The following HSD17B12 variants were observed in gnomAD, a reference collection of about 807,000 sequenced individuals.
HSD17B12 encodes the protein hydroxysteroid 17-beta dehydrogenase 12, also known as very-long-chain 3-oxoacyl-CoA reductase.
HSD17B12 carries 32 observed loss-of-function variants against 39.3 expected under a neutral mutation model. That is an observed-to-expected ratio of 0.81 (90% CI 0.61 to 1.09). HSD17B12 has a LOEUF of 1.09. HSD17B12 is among the 50% of genes least tolerant of loss of function. HSD17B12 has a pLI of 0.00. For missense variants in HSD17B12, 342 were observed against 382.9 expected (o/e 0.89, Z 0.89); for synonymous variants, 150 against 146.7 (o/e 1.02, Z -0.16).
chr11:43,592,616 A>G, the HSD17B12 span, among the ~76,000 whole-genome samples: 1 of 152,326 alleles, frequency 6.6e-6, no homozygotes, highest in East Asian at 1.9e-4. Context: ...AATGAAATTC[A>G]CTGTACTATT....
chr11:43,727,702 A>G (rs1950233537), intron 1 of HSD17B12, among the ~76,000 whole-genome samples: 1 of 152,140 alleles, frequency 6.6e-6, no homozygotes, highest in Non-Finnish European at 1.5e-5. Context: ...TCCTTCTCCA[A>G]GTATTTGGTG....
the HSD17B12 span, among the ~76,000 whole-genome samples, chr11:43,601,732 C>T: frequency 6.6e-6 from 1 of 152,206 alleles, no homozygotes; most frequent in Non-Finnish European, 1.5e-5. Context: ...CCAGAGTCAG[C>T]TTCTTTGAAT....
chr11:43,814,183 G>C (rs1226397652), intron 4 of HSD17B12, among the ~76,000 whole-genome samples: 1 of 150,758 alleles, frequency 6.6e-6, no homozygotes, highest in Non-Finnish European at 1.5e-5. Flanking sequence ...TTTCTGAGTT[G>C]AATACTGGAT....
At chr11:43,594,150 A>T in the HSD17B12 span, among the ~76,000 whole-genome samples, 7 of 152,224 alleles carry the variant, frequency 4.6e-5, no homozygotes, top group African/African-American at 1.7e-4. Context: ...TCATAACGAT[A>T]GTTAACTTTT....
At chr11:43,801,593 G>GAGATATATAT (rs1796463642) in intron 4 of HSD17B12, among the ~76,000 whole-genome samples, 1 of 136,994 alleles carries the variant, frequency 7.3e-6, no homozygotes, top group South Asian at 2.3e-4. Flanking sequence ...TTGATAGTTG[G>GAGATATATAT]AGATATATAT....
At chr11:43,619,542 A>C in the HSD17B12 span, among the ~76,000 whole-genome samples, 1 of 151,480 alleles carries the variant, frequency 6.6e-6, no homozygotes, top group Admixed American at 6.6e-5. Flanking sequence ...GGCACCTGAC[A>C]CCAAGGCTGG....
At chr11:43,763,314 A>G (rs1287695089) in intron 3 of HSD17B12, among the ~76,000 whole-genome samples, 2 of 152,130 alleles carry the variant, frequency 1.3e-5, no homozygotes, top group Non-Finnish European at 2.9e-5. Context: ...GCATATACAG[A>G]AACAAGAAAC....
chr11:43,728,772 A>G lies in HSD17B12; in HGVS notation c.161-22139A>G, dbSNP rs1178089708. The stretch of plus-strand genomic sequence containing the variant: ...ATAGTTAATTTTTGTTAATTAAAAA[A>G]TAATCCATTTTTTCTTCACTTGGCT... On this transcript the variant is annotated intron_variant, in intron 1 of 10. Coordinates refer to ENST00000278353, the MANE Select transcript of HSD17B12 (RefSeq NM_016142.3). Among the ~76,000 whole-genome samples, 8 of 152,328 alleles carry G rather than the reference A, an allele frequency of 5.3e-5. No individual in the cohort carries two copies. The South Asian group carries it at 1.4e-3, about 28-fold the overall frequency.
At chr11:43,766,376 G>A (rs915675967) in intron 3 of HSD17B12, among the ~76,000 whole-genome samples, 2 of 152,080 alleles carry the variant, frequency 1.3e-5, no homozygotes, top group South Asian at 2.1e-4. Flanking sequence ...AGGGACTTCT[G>A]TCATGCATTC....
the HSD17B12 span, among the ~76,000 whole-genome samples, chr11:43,612,655 C>T: frequency 6.6e-6 from 1 of 152,204 alleles, no homozygotes; most frequent in Non-Finnish European, 1.5e-5. Context: ...ATTCACCCAC[C>T]TCGGCCTCCC....
chr11:43,834,591 G>T (rs1329248773), intron 7 of HSD17B12, among the ~76,000 whole-genome samples: 1 of 152,080 alleles, frequency 6.6e-6, no homozygotes, highest in Non-Finnish European at 1.5e-5. Flanking sequence ...TTTTTATAGA[G>T]GTGTGGACAA....
intron 6 of HSD17B12, among the ~76,000 whole-genome samples, chr11:43,827,110 T>G (rs539396000): frequency 6.6e-6 from 1 of 152,302 alleles, no homozygotes; most frequent in South Asian, 2.1e-4. Context: ...GTGGACAAAG[T>G]GGCTATTTGT....
intron 1 of HSD17B12, among the ~76,000 whole-genome samples, chr11:43,738,914 C>T (rs1056099509): frequency 6.6e-6 from 1 of 152,144 alleles, no homozygotes; most frequent in Non-Finnish European, 1.5e-5. Context: ...AAGAAAAAAA[C>T]TAGAGGTTTT....
At chr11:43,699,876 A>G (rs575802024) in intron 1 of HSD17B12, among the ~76,000 whole-genome samples, 27 of 152,338 alleles carry the variant, frequency 1.8e-4, no homozygotes, top group African/African-American at 6.5e-4. Context: ...AAGGTGCTCA[A>G]CATCACTGAT....
chr11:43,798,433 T>C lies in HSD17B12; in HGVS notation c.391+6T>C. ...TCTTGAAATCGGCATCTTAGGTTTGTATTTTTGCCACATTTATAGGTTCTT... is the reference window on the plus strand; with the variant it reads ...TCTTGAAATCGGCATCTTAGGTTTGCATTTTTGCCACATTTATAGGTTCTT... On this transcript the variant is annotated splice_donor_region_variant and intron_variant, in intron 4 of 10. Transcript: ENST00000278353. The C allele has an allele frequency of 6.4e-7, 1 of 1,563,794 alleles. No individual in the cohort carries two copies. The highest frequency in any genetic ancestry group is 1.1e-5 in the South Asian group (1 of 88,830).
intron 4 of HSD17B12, among the ~76,000 whole-genome samples, chr11:43,801,536 A>T (rs1950967735): frequency 7.4e-6 from 1 of 135,254 alleles, no homozygotes; most frequent in African/African-American, 2.7e-5. Context: ...ATCATTTAAA[A>T]CTAGAAATCT....
intron 7 of HSD17B12, among the ~76,000 whole-genome samples, chr11:43,832,780 A>G (rs182710756): frequency 2.0e-5 from 3 of 152,324 alleles, no homozygotes; most frequent in African/African-American, 7.2e-5. Context: ...CTATAATCCC[A>G]GCACTTTGGG....
Position 43,680,822 on chromosome 11 carries a change from A to G in HSD17B12, c.-6A>G. 6.2e-7 allele frequency: 1 copy of G among 1,613,530 alleles called. No individual in the cohort carries two copies. The highest frequency in any genetic ancestry group is 8.5e-7 in the Non-Finnish European group (1 of 1,179,534). ...TCACGAAGGTAGTGAGGCCTAGTGG[A>G]AAGCCATGGAGAGCGCTCTCCCCGC... is the stretch of plus-strand genomic sequence containing the variant. On this transcript the variant is annotated 5_prime_UTR_variant, in exon 1 of 11. Coordinates refer to ENST00000278353, the MANE Select transcript of HSD17B12 (RefSeq NM_016142.3).
intron 6 of HSD17B12, among the ~76,000 whole-genome samples, chr11:43,826,401 T>C (rs1235333342): frequency 6.6e-6 from 1 of 152,188 alleles, no homozygotes; most frequent in South Asian, 2.1e-4. Context: ...CATTCTTTTT[T>C]AAAATTTTGT....
Sources: gnomAD v4.1 joint callset for allele counts (sites outside exome capture counted in the v4.1 genomes callset) on GRCh38, gnomAD v4.1.1 for gene constraint, MANE v1.5 for transcripts, NCBI Gene and HGNC (gene_info 2026-07-23, HGNC 2026-07-21) for gene names.